The following TBC1D10B variants were observed in gnomAD, a reference collection of about 807,000 sequenced individuals.
TBC1D10B encodes the protein TBC1 domain family member 10B, also known as Rab27A-GAPbeta.
In TBC1D10B, 25 loss-of-function variants were observed where a neutral mutation model predicts 78.4. The ratio of observed to expected loss-of-function variants is 0.32; its 90% CI spans 0.23 to 0.45. The LOEUF (loss-of-function observed/expected upper bound fraction) is 0.45, where lower values mean the gene tolerates loss of function less well. Among genes scored for constraint, TBC1D10B ranks in the 20% least tolerant of loss-of-function variants. TBC1D10B has a pLI of 1.00. For synonymous variants in TBC1D10B, 517 were observed against 478.0 expected (o/e 1.08, Z -1.06); for missense variants, 996 against 1,104.8 (o/e 0.90, Z 1.40).
chr16:30,357,955 C>A lies in TBC1D10B; in HGVS notation c.2416G>T (p.Ala806Ser), dbSNP rs772947102. The A allele has an allele frequency of 2.6e-6, 4 of 1,550,602 alleles. No homozygotes were observed. The highest frequency in any genetic ancestry group is 2.6e-6 in the Non-Finnish European group (3 of 1,146,610). ...CCCCAGGGCAGAGGTCAGAAGTAAG[C>A]GTCCTGCCGGGCCTCGGCTGAGGGC... ...DRPSAEARQDAYF is the reference protein window; with the variant it reads ...DRPSAEARQDSYF The change falls in exon 9 of 9, where the codon GCT becomes TCT. Residue 806 changes from alanine to serine, a missense_variant. By Grantham distance (99) the Ala-to-Ser change is moderately conservative (BLOSUM62 1). Transcript: ENST00000409939.
rs1445480164 is a variant in TBC1D10B at position 30,358,514 on chromosome 16, C to T, written c.1857G>A (p.Lys619=). ...GCTCCCCCCGCGTTTCCCGCCACTT[C>T]TTGAGCTGGGCTGCATTCTCCCGCT... ...LIERENAAQL[K]KWRETRGELQ... The change falls in exon 9 of 9, where the codon AAG becomes AAA. Residue 619 remains lysine, a synonymous_variant. Transcript: ENST00000409939. The T allele has an allele frequency of 6.2e-7, 1 of 1,610,934 alleles. No homozygotes were observed. The highest frequency in any genetic ancestry group is 1.7e-5 in the Admixed American group (1 of 59,704).
At position 30,357,907 on chromosome 16, in the gene TBC1D10B, AAG is replaced by A. The variant is rs763111997; in HGVS notation, c.*35_*36del. 6 of 1,528,496 alleles carry A rather than the reference AAG, an allele frequency of 3.9e-6. No homozygotes were observed. The highest frequency in any genetic ancestry group is 1.2e-5 in the South Asian group (1 of 82,060). The allele number at this position is 1,528,496 out of a possible 1,614,324, so 94.7% of individuals were successfully genotyped here. Reference sequence around the variant, plus strand: ...GCCAGGCCTGTTCTTGGCTGAGGGAAAGAGGGGGGCCATGCAGTCCAGCCCCA... The same window carrying A: ...GCCAGGCCTGTTCTTGGCTGAGGGAAAGGGGGGCCATGCAGTCCAGCCCCA... On this transcript the variant is annotated 3_prime_UTR_variant, in exon 9 of 9. Coordinates refer to ENST00000409939, the MANE Select transcript of TBC1D10B (RefSeq NM_015527.4).
At chr16:30,360,133 C>T (rs1385386820) in intron 4 of TBC1D10B, 2 of 360,338 alleles carry the variant, frequency 5.6e-6, no homozygotes, top group Non-Finnish European at 1.0e-5. Context: ...CTCCAGGAAG[C>T]TTTCCACAGC....
chr16:30,360,018 C>A, intron 4 of TBC1D10B, 177 bp from the exon 5 acceptor site: 1 of 616,434 alleles, frequency 1.6e-6, no homozygotes. Flanking sequence ...GGCCCCGGGG[C>A]TCCGCCTTTG....
At chr16:30,361,092 C>G (rs996644445) in intron 4 of TBC1D10B, among the ~76,000 whole-genome samples, 3 of 152,166 alleles carry the variant, frequency 2.0e-5, no homozygotes, top group African/African-American at 7.2e-5. Context: ...CGAGACCAGC[C>G]TGGCCAACAT....
Position 30,358,003 on chromosome 16 carries a change from C to T in TBC1D10B, c.2368G>A (p.Gly790Ser), listed in dbSNP as rs1250481084. ...GGCCTGTCCCCACCATCATGGGGGCCTGGGGGCCCATCTGCCTTTCGACGC... is the reference window on the plus strand; with the variant it reads ...GGCCTGTCCCCACCATCATGGGGGCTTGGGGGCCCATCTGCCTTTCGACGC... ...SLRRKADGPPGPHDGGDRPSA... is the reference protein window; with the variant it reads ...SLRRKADGPPSPHDGGDRPSA... Residue 790 changes from glycine to serine, a missense_variant, in exon 9 of 9, where the codon GGC becomes AGC. By Grantham distance (56) the Gly-to-Ser change is moderately conservative. Coordinates refer to ENST00000409939, the MANE Select transcript of TBC1D10B (RefSeq NM_015527.4). 5.2e-6 allele frequency: 8 copies of T among 1,551,802 alleles called. No homozygotes were observed. Among genetic ancestry groups the T allele is most frequent in the Non-Finnish European group, 7.0e-6 (8 of 1,147,008 alleles).
In TBC1D10B at chr16:30,357,964, G is replaced by A. The variant is rs1356095023; in HGVS notation, c.2407C>T (p.Arg803Trp). The A allele has an allele frequency of 5.2e-6, 8 of 1,551,158 alleles. No individual in the cohort carries two copies. Among genetic ancestry groups the A allele is most frequent in the South Asian group, 2.4e-5 (2 of 84,058 alleles). ...AGAGGTCAGAAGTAAGCGTCCTGCCGGGCCTCGGCTGAGGGCCTGTCCCCA... is the reference window on the plus strand; with the variant it reads ...AGAGGTCAGAAGTAAGCGTCCTGCCAGGCCTCGGCTGAGGGCCTGTCCCCA... The part of the protein sequence containing the change: ...DGGDRPSAEA[R>W]QDAYF The change falls in exon 9 of 9, where the codon CGG (arginine) becomes TGG (tryptophan). Residue 803 changes from arginine (R) to tryptophan (W), a missense_variant. Around this residue, in one of 5 missense-constraint regions of TBC1D10B, gnomAD observed 285 missense variants for 252.5 expected, o/e 1.13. Coordinates refer to ENST00000409939, the MANE Select transcript of TBC1D10B (RefSeq NM_015527.4).
At chr16:30,364,838 G>GTT in intron 4 of TBC1D10B, 62 bp downstream of exon 4, 1 of 1,463,392 alleles carries the variant, frequency 6.8e-7, no homozygotes, top group Non-Finnish European at 9.3e-7. Flanking sequence ...TATCCACCTA[G>GTT]CTAAAAGGTG....
intron 4 of TBC1D10B, chr16:30,360,291 G>C: frequency 5.8e-6 from 1 of 170,994 alleles, no homozygotes; most frequent in Non-Finnish European, 1.3e-5. Flanking sequence ...CCTTTCTCCT[G>C]TCTCTGCATC....
Position 30,358,295 on chromosome 16 carries a change from T to TG in TBC1D10B, c.2075dup (p.Gly693ArgfsTer7). On this transcript the variant is annotated frameshift_variant, in exon 9 of 9. Transcript: ENST00000409939. LOFTEE classifies it high-confidence loss of function. ...GTCCCTCAGCAGTGACCACAGGCCC[T>TG]GGGGCAGGCCCAGCACTGGCTCTGC... 6.3e-7 allele frequency: 1 copy of TG among 1,584,548 alleles called. No individual in the cohort carries two copies. The highest frequency in any genetic ancestry group is 8.6e-7 in the Non-Finnish European group (1 of 1,165,604).
rs2151104087 is a variant in TBC1D10B, at chr16:30,370,059, A to C, written c.125T>G (p.Val42Gly). Residue 42 changes from valine (V) to glycine (G), a missense_variant, in exon 1 of 9, where the codon GTG (valine) becomes GGG (glycine). Val to Gly is a moderately radical substitution (Grantham distance 109). Coordinates refer to ENST00000409939, the MANE Select transcript of TBC1D10B (RefSeq NM_015527.4). Reference sequence around the variant, plus strand: ...GACGGGGGCCGAAGTGGCCGTAGTCACTGGAGGTCCCGGAGCCACCACCAC... The same window carrying C: ...GACGGGGGCCGAAGTGGCCGTAGTCCCTGGAGGTCCCGGAGCCACCACCAC... Reference protein sequence around the residue: ...PVVVVAPGPPVTTATSAPVTL... With the variant: ...PVVVVAPGPPGTTATSAPVTL... The C allele has an allele frequency of 1.4e-5, 17 of 1,228,128 alleles. No homozygotes were observed. The South Asian group carries it at 6.1e-4, about 44-fold the overall frequency. The allele number at this position is 1,228,128 out of a possible 1,614,324, so 76.1% of individuals were successfully genotyped here.
intron 7 of TBC1D10B, 37 bp from the exon 8 acceptor site, chr16:30,358,854 G>C: frequency 1.9e-6 from 3 of 1,573,522 alleles, no homozygotes; most frequent in Non-Finnish European, 2.6e-6. Context: ...GGGGTGGTCA[G>C]ACCCAAGATC....
rs2049661303 is a variant in TBC1D10B, at chr16:30,369,094, C to T, written c.956+134G>A. 1.1e-6 allele frequency: 1 copy of T among 935,792 alleles called. No homozygotes were observed. The highest frequency in any genetic ancestry group is 1.8e-5 in the South Asian group (1 of 56,966). 58.0% of individuals were successfully genotyped at this position (935,792 alleles called of 1,614,324 possible). On this transcript the variant is annotated intron_variant, in intron 1 of 8. Transcript: ENST00000409939. The surrounding 1 kb of genome is among the most constrained non-coding windows in gnomAD (Gnocchi z 4.3). ...TCAGGATGCTCAAGACACGGCAGCT[C>T]GCGCTGATCACCCCGTGGATCCTCA...
At position 30,358,534 on chromosome 16, in the gene TBC1D10B, C is replaced by T. The variant is rs1401175317; in HGVS notation, c.1837G>A (p.Glu613Lys). 1.2e-6 allele frequency: 2 copies of T among 1,609,300 alleles called. No individual in the cohort carries two copies. The highest frequency in any genetic ancestry group is 1.7e-6 in the Non-Finnish European group (2 of 1,176,536). The change falls in exon 9 of 9, where the codon GAG becomes AAG. Residue 613 changes from glutamate (E) to lysine (K), a missense_variant. Coordinates refer to ENST00000409939, the MANE Select transcript of TBC1D10B (RefSeq NM_015527.4). Reference protein sequence around the residue: ...LPVTEALIERENAAQLKKWRE... With the variant: ...LPVTEALIERKNAAQLKKWRE... The stretch of plus-strand genomic sequence containing the variant: ...CACTTCTTGAGCTGGGCTGCATTCT[C>T]CCGCTCAATCAGTGCTTCTGTCACC...
intron 1 of TBC1D10B, chr16:30,366,507 A>C (rs1179705014): frequency 6.6e-6 from 1 of 152,066 alleles, no homozygotes; most frequent in Non-Finnish European, 1.5e-5. Context: ...TCCATCAAAA[A>C]AAAAAATAAT....
intron 7 of TBC1D10B, 39 bp from the exon 8 acceptor site, chr16:30,358,856 C>T (rs1321001926): frequency 6.4e-7 from 1 of 1,568,944 alleles, no homozygotes; most frequent in Non-Finnish European, 8.7e-7. Context: ...GGTGGTCAGA[C>T]CCAAGATCTC....
rs551235189 is a variant in TBC1D10B at position 30,368,926 on chromosome 16, C to T, written c.956+302G>A. ...ACCTCAGGTATCATCTCATTCAATC[C>T]ACTTTATAGAGGAAAAAACTGAGGC... On this transcript the variant is annotated intron_variant, in intron 1 of 8. Coordinates refer to ENST00000409939, the MANE Select transcript of TBC1D10B (RefSeq NM_015527.4). Among the ~76,000 whole-genome samples the T allele has an allele frequency of 3.0e-4, 46 of 152,278 alleles. 1 individual carries two copies. Among genetic ancestry groups the T allele is most frequent in the Middle Eastern group, 6.8e-3 (2 of 294 alleles).
Position 30,357,738 on chromosome 16 carries a change from G to A in TBC1D10B, c.*206C>T, listed in dbSNP as rs2049563108. 1.4e-6 allele frequency: 1 copy of A among 708,036 alleles called. No homozygotes were observed. Among genetic ancestry groups the A allele is most frequent in the Non-Finnish European group, 2.3e-6 (1 of 437,346 alleles). 43.9% of individuals were successfully genotyped at this position (708,036 alleles called of 1,614,324 possible). ...GACAGAGACCCCAGCTGAGCCTCAT[G>A]GGAGATGAGAGGCTCCAGACTCATT... On this transcript the variant is annotated 3_prime_UTR_variant, in exon 9 of 9. Transcript: ENST00000409939.
In TBC1D10B at chr16:30,359,611, G is replaced by C. The variant is rs774154589; in HGVS notation, c.1387-8C>G. ...CAGGCACCAAAAGGCTTGCTGAGAAGAGCAAGAACAAGGAGGAGGGGTGGG... is the reference window on the plus strand; with the variant it reads ...CAGGCACCAAAAGGCTTGCTGAGAACAGCAAGAACAAGGAGGAGGGGTGGG... On this transcript the variant is annotated splice_polypyrimidine_tract_variant and splice_region_variant and intron_variant, in intron 5 of 8. Transcript: ENST00000409939. The C allele has an allele frequency of 1.3e-6, 2 of 1,559,694 alleles. No homozygotes were observed. The highest frequency in any genetic ancestry group is 1.7e-6 in the Non-Finnish European group (2 of 1,151,778).
Sources: allele counts gnomAD v4.1 joint callset (sites outside exome capture counted in the v4.1 genomes callset), GRCh38; gene constraint gnomAD v4.1.1; regional missense constraint gnomAD v4.1.1; non-coding constraint Gnocchi (gnomAD v3.1); transcripts MANE v1.5; gene names NCBI Gene and HGNC (gene_info 2026-07-23, HGNC 2026-07-21).